The following GLIS3 variants were observed in gnomAD, a reference collection of about 807,000 sequenced individuals.
The protein encoded by GLIS3 is zinc finger protein GLIS3.
GLIS3 carries 53 observed loss-of-function variants against 78.6 expected under a neutral mutation model. That is an observed-to-expected ratio of 0.67 (90% CI 0.54 to 0.85). The LOEUF is 0.85. GLIS3 is among the 40% of genes least tolerant of loss of function. The pLI, the probability that GLIS3 is intolerant of heterozygous loss-of-function variation, is 0.00. For synonymous variants in GLIS3, 684 were observed against 509.9 expected (o/e 1.34, Z -4.60); for missense variants, 1,703 against 1,231.1 (o/e 1.38, Z -5.74).
intron 2 of GLIS3, among the ~76,000 whole-genome samples, chr9:4,247,357 A>G (rs1040044409): frequency 3.9e-5 from 6 of 152,278 alleles, no homozygotes; most frequent in African/African-American, 1.4e-4. Flanking sequence ...AAAGAAGTAC[A>G]GAAATAAAAA....
chr9:4,009,027 G>C (rs972294050), intron 4 of GLIS3, among the ~76,000 whole-genome samples: 2 of 152,132 alleles, frequency 1.3e-5, no homozygotes, highest in African/African-American at 4.8e-5. Flanking sequence ...AGCCACACAT[G>C]CAACTCATCC....
At chr9:3,998,406 T>C (rs866670643) in intron 4 of GLIS3, among the ~76,000 whole-genome samples, 3 of 152,152 alleles carry the variant, frequency 2.0e-5, no homozygotes, top group Admixed American at 6.5e-5. Flanking sequence ...AGAGTTTTTC[T>C]TACCTTTATA....
chr9:4,035,489 T>G (rs1368395073), intron 4 of GLIS3, among the ~76,000 whole-genome samples: 2 of 151,824 alleles, frequency 1.3e-5, no homozygotes, highest in Non-Finnish European at 1.5e-5. Context: ...TCTGGCCACA[T>G]TCTTTAACTT....
At chr9:4,268,862 C>A (rs1457490841) in intron 2 of GLIS3, among the ~76,000 whole-genome samples, 1 of 152,174 alleles carries the variant, frequency 6.6e-6, no homozygotes, top group African/African-American at 2.4e-5. Context: ...CTCCCAACCC[C>A]TTCCTTTCGA....
At chr9:4,427,581 G>C in the GLIS3 span, among the ~76,000 whole-genome samples, 1 of 152,160 alleles carries the variant, frequency 6.6e-6, no homozygotes, top group Admixed American at 6.5e-5. Flanking sequence ...AAAAGTGGCT[G>C]GGCGCAGTGG....
chr9:4,395,456 G>A, the GLIS3 span, among the ~76,000 whole-genome samples: 1 of 152,250 alleles, frequency 6.6e-6, no homozygotes, highest in African/African-American at 2.4e-5. Flanking sequence ...TAGGCAGCCT[G>A]AGATACCTGG....
intron 9 of GLIS3, among the ~76,000 whole-genome samples, chr9:3,854,837 C>T (rs1819662805): frequency 6.6e-6 from 1 of 152,176 alleles, no homozygotes; most frequent in South Asian, 2.1e-4. Flanking sequence ...AGCCACCATG[C>T]CCAGCCTACT....
At chr9:4,390,842 G>C in the GLIS3 span, among the ~76,000 whole-genome samples, 1 of 152,162 alleles carries the variant, frequency 6.6e-6, no homozygotes, top group African/African-American at 2.4e-5. Flanking sequence ...CTTTCTGAAA[G>C]ATTCATGTAT....
At chr9:4,285,082 G>C (rs560979215) in intron 2 of GLIS3, among the ~76,000 whole-genome samples, 34 of 152,254 alleles carry the variant, frequency 2.2e-4, no homozygotes, top group African/African-American at 8.2e-4. Flanking sequence ...TTAACTGAAT[G>C]ACTGGCTATT....
chr9:3,868,008 G>T (rs1234393011), intron 8 of GLIS3, among the ~76,000 whole-genome samples: 1 of 151,706 alleles, frequency 6.6e-6, no homozygotes, highest in Non-Finnish European at 1.5e-5. Context: ...AGGATGACAT[G>T]GATGTCAACA....
chr9:4,360,015 C>G, the GLIS3 span, among the ~76,000 whole-genome samples: 1 of 149,222 alleles, frequency 6.7e-6, no homozygotes, highest in Admixed American at 6.7e-5. Flanking sequence ...ACTGGAATGT[C>G]AGGATTTGCA....
intron 6 of GLIS3, among the ~76,000 whole-genome samples, chr9:3,912,766 ATTC>A (rs1824237783): frequency 2.0e-5 from 3 of 152,218 alleles, no homozygotes. Flanking sequence ...TGAAGAATGC[ATTC>A]TTCTTTTTTT....
At chr9:4,324,437 C>A (rs1011521724) in intron 2 of GLIS3, among the ~76,000 whole-genome samples, 2 of 152,096 alleles carry the variant, frequency 1.3e-5, no homozygotes, top group Non-Finnish European at 2.9e-5. Context: ...AGACACCTCA[C>A]GGGATTGTTT....
intron 4 of GLIS3, among the ~76,000 whole-genome samples, chr9:4,103,400 C>G (rs117174871): frequency 6.6e-6 from 1 of 152,148 alleles, no homozygotes; most frequent in Non-Finnish European, 1.5e-5. Flanking sequence ...AGCAGGCACT[C>G]TAAGGAGAAG....
intron 2 of GLIS3, among the ~76,000 whole-genome samples, chr9:4,197,209 T>G (rs1354717179): frequency 1.3e-5 from 2 of 151,892 alleles, no homozygotes; most frequent in Non-Finnish European, 2.9e-5. Flanking sequence ...CTCCCTCACA[T>G]GGACTAGGAG....
intron 2 of GLIS3, among the ~76,000 whole-genome samples, chr9:4,141,398 C>T (rs187287011): frequency 6.6e-6 from 1 of 152,270 alleles, no homozygotes; most frequent in East Asian, 1.9e-4. Context: ...TGTGTCCAAG[C>T]AATGCACAGA....
intron 2 of GLIS3, among the ~76,000 whole-genome samples, chr9:4,192,503 G>T (rs1005947419): frequency 2.6e-4 from 40 of 152,204 alleles, no homozygotes; most frequent in African/African-American, 9.4e-4. Flanking sequence ...ACATTCCTAT[G>T]TTAAGAACTG....
chr9:4,311,001 G>A (rs982579007), intron 2 of GLIS3, among the ~76,000 whole-genome samples: 1 of 152,200 alleles, frequency 6.6e-6, no homozygotes, highest in African/African-American at 2.4e-5. Context: ...AGGTGTACAG[G>A]ATTTGGAGGG....
At chr9:4,250,147 G>A (rs1278354274) in intron 2 of GLIS3, among the ~76,000 whole-genome samples, 1 of 152,160 alleles carries the variant, frequency 6.6e-6, no homozygotes, top group East Asian at 1.9e-4. Flanking sequence ...ATGAGTTAGG[G>A]AGGATTCCCT....
Sources: gnomAD v4.1 joint callset for allele counts (sites outside exome capture counted in the v4.1 genomes callset) on GRCh38, gnomAD v4.1.1 for gene constraint, MANE v1.5 for transcripts, NCBI Gene and HGNC (gene_info 2026-07-23, HGNC 2026-07-21) for gene names.